Variants in ZFP64 observed in about 807,000 individuals in gnomAD.
ZFP64 encodes ZFP64 zinc finger protein, also known as zinc finger protein 64.
In ZFP64, 14 loss-of-function variants were observed where a neutral mutation model predicts 51.6. The observed-to-expected ratio is 0.27, with a 90% CI of 0.18 to 0.42. The LOEUF is 0.42. ZFP64 is among the 10% of genes least tolerant of loss of function. The probability of loss-of-function intolerance (pLI) is 1.00; values close to 1 mark genes in which losing one functional copy is unlikely to be tolerated. For missense variants in ZFP64, 754 were observed against 906.8 expected (o/e 0.83, Z 2.16); for synonymous variants, 375 against 361.4 (o/e 1.04, Z -0.43).
chr20:52,175,769 A>C (rs1983146012), intron 2 of ZFP64, among the ~76,000 whole-genome samples: 1 of 152,092 alleles, frequency 6.6e-6, no homozygotes, highest in East Asian at 1.9e-4. Context: ...GCTTGAACCC[A>C]GGAGGCAGAG....
intron 2 of ZFP64, 120 bp from the exon 3 acceptor site, chr20:52,166,145 G>A: frequency 2.0e-6 from 2 of 986,978 alleles, no homozygotes; most frequent in Admixed American, 6.1e-5. Flanking sequence ...CTCCCTTGCG[G>A]CTTCACAGTG....
At position 52,085,332 on chromosome 20, in the gene ZFP64, C is replaced by A; in HGVS notation, c.1229-66G>T. ...AAACAGACCCTCCCACCCCAACCTG[C>A]CTTAGCACACTTGGCCGCCATGAGA... is the stretch of plus-strand genomic sequence containing the variant. On this transcript the variant is annotated intron_variant, in intron 8 of 8. Coordinates refer to the ZFP64 transcript ENST00000361387. The surrounding 1 kb of genome is among the most constrained non-coding windows in gnomAD (Gnocchi z 4.3). The A allele has an allele frequency of 6.8e-7, 1 of 1,480,848 alleles. No individual in the cohort carries two copies. The allele number at this position is 1,480,848 out of a possible 1,614,324, so 91.7% of individuals were successfully genotyped here.
In ZFP64 at chr20:52,085,324, C is replaced by A; in HGVS notation, c.1229-58G>T. 1 of 1,511,844 alleles carries A rather than the reference C, an allele frequency of 6.6e-7. No homozygotes were observed. The highest frequency in any genetic ancestry group is 1.3e-5 in the South Asian group (1 of 76,802). 93.7% of individuals were successfully genotyped at this position (1,511,844 alleles called of 1,614,324 possible). On this transcript the variant is annotated intron_variant, in intron 8 of 8. Transcript: ENST00000361387. The surrounding 1 kb of genome is among the most constrained non-coding windows in gnomAD (Gnocchi z 4.3). ...GGCAGGCAAAACAGACCCTCCCACC[C>A]CAACCTGCCTTAGCACACTTGGCCG...
At chr20:52,187,313 A>G (rs549218627) in intron 1 of ZFP64, among the ~76,000 whole-genome samples, 2 of 152,226 alleles carry the variant, frequency 1.3e-5, no homozygotes, top group East Asian at 3.9e-4. Flanking sequence ...GACATAATGT[A>G]AATATCTTAG....
At chr20:52,131,292 A>C (rs564876862) in intron 5 of ZFP64, among the ~76,000 whole-genome samples, 44 of 152,088 alleles carry the variant, frequency 2.9e-4, no homozygotes, top group African/African-American at 1.1e-3. Flanking sequence ...GAAAAGAAAG[A>C]AAGCAAGAAA....
intron 5 of ZFP64, among the ~76,000 whole-genome samples, chr20:52,156,184 C>T (rs1981305013): frequency 6.6e-6 from 1 of 152,204 alleles, no homozygotes; most frequent in African/African-American, 2.4e-5. Context: ...AATGTCTGAA[C>T]TTGCTGTAGA....
intron 4 of ZFP64, among the ~76,000 whole-genome samples, chr20:52,161,849 T>C (rs189158991): frequency 1.3e-5 from 2 of 152,268 alleles, no homozygotes; most frequent in East Asian, 1.9e-4. Context: ...TGGAAGGAGG[T>C]GGCTGTGAAT....
At chr20:52,088,732 T>C in intron 7 of ZFP64, 1 of 1,553,876 alleles carries the variant, frequency 6.4e-7, no homozygotes. Context: ...GGCATATGGG[T>C]GTGCCGCCTC....
chr20:52,091,444 A>T (rs1447340206), intron 7 of ZFP64, among the ~76,000 whole-genome samples: 1 of 152,240 alleles, frequency 6.6e-6, no homozygotes, highest in Non-Finnish European at 1.5e-5. Flanking sequence ...TTCTAGAAAA[A>T]TGCTTAAAAA....
chr20:52,149,611 G>T (rs369648888), downstream of ZFP64, among the ~76,000 whole-genome samples: 3 of 152,156 alleles, frequency 2.0e-5, no homozygotes, highest in Non-Finnish European at 4.4e-5. Context: ...GTGAGAATAC[G>T]GAGGGGCTGG....
chr20:52,106,989 T>C (rs1346704090), intron 5 of ZFP64, among the ~76,000 whole-genome samples: 1 of 152,136 alleles, frequency 6.6e-6, no homozygotes, highest in Non-Finnish European at 1.5e-5. Flanking sequence ...TCCCAGCTCC[T>C]GGGGAAGCTG....
At chr20:52,115,126 C>T (rs1470016719) in intron 5 of ZFP64, among the ~76,000 whole-genome samples, 1 of 150,206 alleles carries the variant, frequency 6.7e-6, no homozygotes, top group East Asian at 1.9e-4. Flanking sequence ...ATGGCATGAA[C>T]CCGGGAGGCA....
chr20:52,084,740 G>A lies in ZFP64; in HGVS notation c.1755C>T (p.Cys585=), dbSNP rs765657938. 2.9e-5 allele frequency: 47 copies of A among 1,614,092 alleles called. No homozygotes were observed. The South Asian group carries it at 4.1e-4, about 14-fold the overall frequency. Reference sequence around the variant, plus strand: ...AGTCATCCCTGACGAAGGAGGCGCCGCAGGTCTCACAGCGGAAGGCCCTCT... The same window carrying A: ...AGTCATCCCTGACGAAGGAGGCGCCACAGGTCTCACAGCGGAAGGCCCTCT... The change falls in exon 9 of 9, where the codon TGC becomes TGT. Residue 585 remains cysteine (C), a synonymous_variant. Transcript: ENST00000361387.
intron 8 of ZFP64, among the ~76,000 whole-genome samples, chr20:52,087,061 ATT>A (rs2078872743): frequency 6.6e-6 from 1 of 152,118 alleles, no homozygotes; most frequent in Non-Finnish European, 1.5e-5. Flanking sequence ...TGGGTATAGA[ATT>A]CTAAGTTCAA....
intron 2 of ZFP64, among the ~76,000 whole-genome samples, chr20:52,185,541 C>CTCCCTTTATGTCCAATCG (rs140022492): frequency 0.21 from 31,586 of 150,498 alleles, 3,740 homozygotes; most frequent in African/African-American, 0.33. Flanking sequence ...GTGACCAAAC[C>CTCCCTTTATGTCCAATCG]TCCCCTGTAA....
At chr20:52,157,755 T>C (rs1489089277) in intron 5 of ZFP64, among the ~76,000 whole-genome samples, 1 of 152,192 alleles carries the variant, frequency 6.6e-6, no homozygotes, top group African/African-American at 2.4e-5. Context: ...CGTGCCATGG[T>C]GGTTTGCTGA....
At chr20:52,094,686 T>C (rs1029773565) in intron 7 of ZFP64, among the ~76,000 whole-genome samples, 3 of 152,094 alleles carry the variant, frequency 2.0e-5, no homozygotes, top group South Asian at 4.1e-4. Context: ...TTGAACCTGA[T>C]TGCACTACTG....
chr20:52,115,292 G>T (rs1978805811), intron 5 of ZFP64, among the ~76,000 whole-genome samples: 1 of 150,338 alleles, frequency 6.7e-6, no homozygotes, highest in South Asian at 2.1e-4. Flanking sequence ...AAAAAAGCAA[G>T]GCCCACATAG....
chr20:52,176,505 C>CTCTTTTTTTTTTTT (rs1555810297), intron 2 of ZFP64, among the ~76,000 whole-genome samples: 4 of 136,722 alleles, frequency 2.9e-5, no homozygotes, highest in African/African-American at 1.1e-4. Flanking sequence ...TTCAATCTCT[C>CTCTTTTTTTTTTTT]TTTTTTTTTT....
Sources: allele counts gnomAD v4.1 joint callset (sites outside exome capture counted in the v4.1 genomes callset), GRCh38; gene constraint gnomAD v4.1.1; non-coding constraint Gnocchi (gnomAD v3.1); transcripts MANE v1.5; gene names NCBI Gene and HGNC (gene_info 2026-07-23, HGNC 2026-07-21).